The following CPEB1 variants were observed in gnomAD, a reference collection of about 807,000 sequenced individuals.
The protein encoded by CPEB1 is cytoplasmic polyadenylation element binding protein 1.
A neutral mutation model predicts 65.8 loss-of-function variants in CPEB1; 7 were observed. The ratio of observed to expected loss-of-function variants is 0.11; its 90% CI spans 0.06 to 0.20. The LOEUF is 0.20. Ranked by LOEUF, CPEB1 falls within the 10% of genes least tolerant of loss-of-function variation. The probability of loss-of-function intolerance (pLI) is 1.00; values close to 1 mark genes in which losing one functional copy is unlikely to be tolerated. For missense variants in CPEB1, 551 were observed against 712.2 expected (o/e 0.77, Z 2.58); for synonymous variants, 262 against 260.0 (o/e 1.01, Z -0.08).
chr15:82,587,601 G>GGTA (rs1444238828), intron 3 of CPEB1, among the ~76,000 whole-genome samples: 2 of 152,160 alleles, frequency 1.3e-5, no homozygotes, highest in Non-Finnish European at 2.9e-5. Context: ...GTAGACTACA[G>GGTA]GTAGTAGCAC....
chr15:82,581,676 T>A (rs783535), intron 3 of CPEB1, among the ~76,000 whole-genome samples: 104,518 of 152,034 alleles, frequency 0.69, 36,690 homozygotes, highest in African/African-American at 0.84. Context: ...ACATTTTTTT[T>A]AAAAATTAGG....
chr15:82,632,979 A>G (rs2046382909), intron 1 of CPEB1, among the ~76,000 whole-genome samples: 1 of 152,192 alleles, frequency 6.6e-6, no homozygotes, highest in Admixed American at 6.5e-5. Context: ...CATTCAGACC[A>G]ATGTTTTACC....
intron 10 of CPEB1, among the ~76,000 whole-genome samples, chr15:82,549,139 T>C (rs977956052): frequency 5.3e-5 from 8 of 152,230 alleles, no homozygotes; most frequent in Non-Finnish European, 1.2e-4. Flanking sequence ...TTTCATGAAA[T>C]AGTACCTGTT....
At chr15:82,547,079 G>T (rs2035361267) in intron 11 of CPEB1, 64 bp downstream of exon 11, 2 of 1,113,952 alleles carry the variant, frequency 1.8e-6, no homozygotes, top group Non-Finnish European at 2.7e-6. Context: ...GGCCTGCCCT[G>T]GGTAGTAACT....
rs1418000076 is a variant in CPEB1, at chr15:82,571,436, C to A, written c.368G>T (p.Cys123Phe). ...SRGLPDANDLCLGLQSLSLTG... is the reference protein window; with the variant it reads ...SRGLPDANDLFLGLQSLSLTG... ...CAGACTGAGGGACTGCAGGCCAAGG[C>A]ACAAGTCATTTGCATCTGGGAGGCC... The change falls in exon 4 of 13, where the codon TGC (cysteine) becomes TTC (phenylalanine). Residue 123 changes from cysteine (C) to phenylalanine (F), a missense_variant. Around this residue, in one of 6 missense-constraint regions of CPEB1, gnomAD observed 223 missense variants for 228.6 expected, o/e 0.98. Transcript: ENST00000684509. The A allele has an allele frequency of 1.9e-6, 3 of 1,614,132 alleles. No homozygotes were observed. Among genetic ancestry groups the A allele is most frequent in the South Asian group, 1.1e-5 (1 of 91,084 alleles).
intron 3 of CPEB1, among the ~76,000 whole-genome samples, chr15:82,624,152 T>G (rs1229071789): frequency 6.6e-6 from 1 of 152,160 alleles, no homozygotes; most frequent in Admixed American, 6.5e-5. Flanking sequence ...GAAAAAATGC[T>G]CTCTGCTGTA....
chr15:82,572,977 G>T, intron 3 of CPEB1: 5 of 1,438,574 alleles, frequency 3.5e-6, no homozygotes, highest in Non-Finnish European at 4.6e-6. Flanking sequence ...GGAGGGTAGG[G>T]CAACAGGCCC....
chr15:82,576,521 A>G (rs1010001280), intron 3 of CPEB1, among the ~76,000 whole-genome samples: 10 of 152,238 alleles, frequency 6.6e-5, no homozygotes, highest in Admixed American at 5.2e-4. Context: ...GGTAAACTGT[A>G]GCAATGTCTA....
intron 1 of CPEB1, among the ~76,000 whole-genome samples, chr15:82,641,139 A>C (rs1044234360): frequency 2.0e-5 from 3 of 152,138 alleles, no homozygotes; most frequent in African/African-American, 7.2e-5. Context: ...GATGTCAGAG[A>C]TTATATCTGG....
Position 82,544,538 on chromosome 15 carries a change from T to C in CPEB1, c.*54A>G, listed in dbSNP as rs1246344431. On this transcript the variant is annotated 3_prime_UTR_variant, in exon 13 of 13. Transcript: ENST00000684509. ...CCAGTGGCAGGGTGGTGCAGGCTGC[T>C]TGCCTGACCTGCCAGCTTTGGGCGC... is the stretch of plus-strand genomic sequence containing the variant. The C allele has an allele frequency of 1.1e-5, 16 of 1,419,994 alleles. No individual in the cohort carries two copies. The East Asian group carries it at 3.5e-4, about 31-fold the overall frequency. The allele number at this position is 1,419,994 out of a possible 1,614,324, so 88.0% of individuals were successfully genotyped here.
At chr15:82,572,389 G>A (rs946138537) in intron 3 of CPEB1, among the ~76,000 whole-genome samples, 8 of 152,198 alleles carry the variant, frequency 5.3e-5, no homozygotes, top group Admixed American at 2.0e-4. Context: ...GGGGGTAAGC[G>A]TTGGCAGAGT....
intron 6 of CPEB1, among the ~76,000 whole-genome samples, chr15:82,554,412 T>C (rs2036824351): frequency 6.6e-6 from 1 of 152,214 alleles, no homozygotes; most frequent in Non-Finnish European, 1.5e-5. Context: ...TTCTCCCCAA[T>C]GTTCAAATGA....
chr15:82,608,336 G>GGTA (rs1368731723), intron 3 of CPEB1, among the ~76,000 whole-genome samples: 1 of 152,098 alleles, frequency 6.6e-6, no homozygotes, highest in Non-Finnish European at 1.5e-5. Context: ...TGAGCTCGGA[G>GGTA]GTAGGTCAAA....
chr15:82,629,969 G>C, intron 1 of CPEB1: 1 of 985,438 alleles, frequency 1.0e-6, no homozygotes, highest in South Asian at 4.7e-5. Flanking sequence ...CTACAAGGTT[G>C]TTTTCCCAAG....
intron 3 of CPEB1, among the ~76,000 whole-genome samples, chr15:82,624,674 A>C (rs150768081): frequency 1.1e-4 from 17 of 151,978 alleles, no homozygotes; most frequent in African/African-American, 3.9e-4. Flanking sequence ...GCAAACATAC[A>C]CTCTGGAAAG....
At chr15:82,577,666 C>G (rs1239576127) in intron 3 of CPEB1, among the ~76,000 whole-genome samples, 1 of 152,052 alleles carries the variant, frequency 6.6e-6, no homozygotes, top group African/African-American at 2.4e-5. Context: ...AGGTGCATGC[C>G]ACCATACCTG....
In CPEB1 at chr15:82,568,988, T is replaced by C. The variant is rs118095148; in HGVS notation, c.460+2356A>G. Among the ~76,000 whole-genome samples the C allele has an allele frequency of 1.8e-4, 27 of 152,302 alleles. No individual in the cohort carries two copies. In the East Asian group the frequency reaches 4.4e-3, roughly 25 times the overall value. On this transcript the variant is annotated intron_variant, in intron 4 of 12. Transcript: ENST00000684509. ...ACCAAGCAGAGCTCAAGGAATAAGC[T>C]TGCATCTTGGTCTCTACACAGAGAC...
intron 3 of CPEB1, among the ~76,000 whole-genome samples, chr15:82,620,019 A>G (rs993775046): frequency 6.6e-6 from 1 of 152,226 alleles, no homozygotes; most frequent in Non-Finnish European, 1.5e-5. Flanking sequence ...AGTATAATGA[A>G]TAAGCACTGG....
intron 3 of CPEB1, among the ~76,000 whole-genome samples, chr15:82,573,576 T>A (rs2040324900): frequency 6.6e-6 from 1 of 152,168 alleles, no homozygotes; most frequent in Admixed American, 6.5e-5. Context: ...TCTGAGGGCA[T>A]CTATGTCTAG....
Sources: gnomAD v4.1 joint callset for allele counts (sites outside exome capture counted in the v4.1 genomes callset) on GRCh38, gnomAD v4.1.1 for gene constraint, gnomAD v4.1.1 regional missense constraint, MANE v1.5 for transcripts, NCBI Gene and HGNC (gene_info 2026-07-23, HGNC 2026-07-21) for gene names.